CHN2: variants seen among roughly 807,000 people sequenced by gnomAD.
The protein encoded by CHN2 is beta-chimaerin.
Under a neutral mutation model 56.3 loss-of-function variants are expected in CHN2, and 35 were observed. The ratio of observed to expected loss-of-function variants is 0.62; its 90% CI spans 0.47 to 0.82. The LOEUF is 0.82. CHN2 is among the 40% of genes least tolerant of loss of function. The pLI, the probability that CHN2 is intolerant of heterozygous loss-of-function variation, is 0.00. For missense variants in CHN2, 491 were observed against 580.5 expected, an observed-to-expected ratio of 0.85 and a Z score of 1.58; for synonymous variants, 210 against 212.8, an observed-to-expected ratio of 0.99 and a Z score of 0.12.
At chr7:29,286,780 C>T (rs1384428501) in intron 1 of CHN2, among the ~76,000 whole-genome samples, 1 of 152,066 alleles carries the variant, frequency 6.6e-6, no homozygotes, top group African/African-American at 2.4e-5. Flanking sequence ...AGATAGTCTG[C>T]GATTATAAAT....
intron 1 of CHN2, among the ~76,000 whole-genome samples, chr7:29,279,605 G>T (rs760962579): frequency 7.2e-5 from 11 of 152,232 alleles, no homozygotes; most frequent in Non-Finnish European, 1.6e-4. Context: ...AGGCTGGAGT[G>T]AAAGGCTGAG....
At chr7:29,214,848 C>CT (rs1562837024) in intron 1 of CHN2, among the ~76,000 whole-genome samples, 1 of 152,126 alleles carries the variant, frequency 6.6e-6, no homozygotes, top group East Asian at 1.9e-4. Context: ...TTTCTCATCT[C>CT]TCTTTCATAA....
intron 1 of CHN2, among the ~76,000 whole-genome samples, chr7:29,213,995 G>C (rs557803322): frequency 6.6e-6 from 1 of 152,088 alleles, no homozygotes; most frequent in Non-Finnish European, 1.5e-5. Context: ...AGTCTCAGAA[G>C]GGAAACACAA....
At chr7:29,351,628 A>G (rs570305022) in intron 1 of CHN2, among the ~76,000 whole-genome samples, 48 of 152,284 alleles carry the variant, frequency 3.2e-4, no homozygotes, top group African/African-American at 1.1e-3. Flanking sequence ...CCATGCAGCG[A>G]TCTATTGGAG....
At chr7:29,411,732 G>A (rs1007918970) in intron 6 of CHN2, among the ~76,000 whole-genome samples, 2 of 152,092 alleles carry the variant, frequency 1.3e-5, no homozygotes, top group Non-Finnish European at 2.9e-5. Context: ...CCCGCCACCC[G>A]ATAGAGCCTG....
At chr7:29,424,084 A>G (rs1280635362) in intron 6 of CHN2, among the ~76,000 whole-genome samples, 2 of 152,242 alleles carry the variant, frequency 1.3e-5, no homozygotes, top group Admixed American at 1.3e-4. Context: ...GTAGAGTTCC[A>G]TTGTTTAGCA....
At position 29,273,963 on chromosome 7, in the gene CHN2, C is replaced by T. The variant is rs79701788; in HGVS notation, c.49+78973C>T. On this transcript the variant is annotated intron_variant, in intron 1 of 12. Transcript: ENST00000222792. Reference sequence around the variant, plus strand: ...TCAAGGACTTGCAGGGTTCCCTAGACCATGCTTTGAGAACTGCTTCCCTAG... The same window carrying T: ...TCAAGGACTTGCAGGGTTCCCTAGATCATGCTTTGAGAACTGCTTCCCTAG... 4.8e-3 allele frequency among the ~76,000 whole-genome samples: 726 copies of T among 152,260 alleles called. 4 individuals are homozygous for T. Among genetic ancestry groups the T allele is most frequent in the African/African-American group, 0.017 (697 of 41,542 alleles).
In CHN2 at chr7:29,188,948, C is replaced by CTTTT. The variant is rs11376135; in HGVS notation, c.274+42003_274+42006dup. Among the ~76,000 whole-genome samples the CTTTT allele has an allele frequency of 1.1e-3, 145 of 129,954 alleles. 1 individual carries two copies. The highest frequency in any genetic ancestry group is 3.9e-3 in the African/African-American group (135 of 34,234). 85.3% of individuals were successfully genotyped at this position (129,954 alleles called of 152,430 possible). A position where few individuals can be genotyped will look rare whatever the true frequency, so the allele number is the denominator to read the frequency against. On this transcript the variant is annotated intron_variant, in intron 2 of 6. Transcript: ENST00000439384. ...AGCAAGGATATAGTTTTCCTCATACCTTTTTTTTTTTTTTTTTTGAGACAG... is the reference window on the plus strand; with the variant it reads ...AGCAAGGATATAGTTTTCCTCATACCTTTTTTTTTTTTTTTTTTTTTTGAGACAG...
intron 1 of CHN2, among the ~76,000 whole-genome samples, chr7:29,302,500 CTTT>C (rs70980525): frequency 6.7e-4 from 79 of 117,772 alleles, no homozygotes; most frequent in Admixed American, 2.6e-3. Context: ...AATTTTAATT[CTTT>C]TTTTTTTTTT....
chr7:29,448,370 C>T (rs555696008), intron 6 of CHN2, among the ~76,000 whole-genome samples: 65 of 152,086 alleles, frequency 4.3e-4, no homozygotes, highest in Non-Finnish European at 8.1e-4. Flanking sequence ...ATGATCTTGA[C>T]CTAGTCATCT....
intron 2 of CHN2, among the ~76,000 whole-genome samples, chr7:29,158,075 A>T (rs62444096): frequency 6.6e-6 from 1 of 152,016 alleles, no homozygotes; most frequent in Non-Finnish European, 1.5e-5. Flanking sequence ...AAAAGACACA[A>T]TGAGCTCATC....
At chr7:29,210,009 G>A (rs1225432858) in intron 1 of CHN2, among the ~76,000 whole-genome samples, 1 of 152,040 alleles carries the variant, frequency 6.6e-6, no homozygotes, top group Non-Finnish European at 1.5e-5. Context: ...GTGTGTCCAG[G>A]GGCAAATTAT....
intron 6 of CHN2, among the ~76,000 whole-genome samples, chr7:29,455,652 T>C (rs772484145): frequency 1.1e-4 from 17 of 152,230 alleles, no homozygotes; most frequent in Non-Finnish European, 2.1e-4. Flanking sequence ...AGCTAAGCCA[T>C]GCCTGTGGTG....
At chr7:29,170,312 G>A (rs891053351) in intron 2 of CHN2, among the ~76,000 whole-genome samples, 5 of 152,192 alleles carry the variant, frequency 3.3e-5, no homozygotes, top group African/African-American at 1.2e-4. Flanking sequence ...CTAGGGAACA[G>A]TGAATCTTCA....
intron 1 of CHN2, among the ~76,000 whole-genome samples, chr7:29,317,838 CATT>C (rs1378049666): frequency 6.6e-6 from 1 of 152,122 alleles, no homozygotes; most frequent in Non-Finnish European, 1.5e-5. Flanking sequence ...AACATACAAA[CATT>C]AGCCCAGTGT....
chr7:29,197,050 A>G (rs755280780), intron 1 of CHN2, among the ~76,000 whole-genome samples: 1 of 152,214 alleles, frequency 6.6e-6, no homozygotes, highest in Non-Finnish European at 1.5e-5. Context: ...TTTAAAGCAC[A>G]CTTACCATTG....
intron 6 of CHN2, among the ~76,000 whole-genome samples, chr7:29,426,623 A>G (rs756804990): frequency 6.6e-6 from 1 of 152,224 alleles, no homozygotes; most frequent in Non-Finnish European, 1.5e-5. Flanking sequence ...ACAAATTACC[A>G]TAAACTTAAC....
In CHN2 at chr7:29,511,835, A is replaced by C. The variant is rs910895905; in HGVS notation, c.1236-729A>C. Among the ~76,000 whole-genome samples the C allele has an allele frequency of 2.0e-5, 3 of 152,114 alleles. No homozygotes were observed. The East Asian group carries it at 5.8e-4, about 29-fold the overall frequency. ...GTGAAAACAAAACTCTGGGAGATAG[A>C]TAGATTGTAATTTTATTCCATGAGG... On this transcript the variant is annotated intron_variant, in intron 12 of 12. Coordinates refer to ENST00000222792, the MANE Select transcript of CHN2 (RefSeq NM_004067.4).
At chr7:29,238,984 T>G (rs1414305018) in intron 1 of CHN2, among the ~76,000 whole-genome samples, 2 of 152,244 alleles carry the variant, frequency 1.3e-5, no homozygotes, top group Non-Finnish European at 2.9e-5. Flanking sequence ...GCAGAGGCTC[T>G]GTCACTCTGA....
Sources: gnomAD v4.1 joint callset for allele counts (sites outside exome capture counted in the v4.1 genomes callset) on GRCh38, gnomAD v4.1.1 for gene constraint, MANE v1.5 for transcripts, NCBI Gene and HGNC (gene_info 2026-07-23, HGNC 2026-07-21) for gene names.